DLGAP1: variants seen among roughly 807,000 people sequenced by gnomAD.
DLGAP1 encodes the protein DLG associated protein 1, also known as disks large-associated protein 1.
DLGAP1 carries 11 observed loss-of-function variants against 90.8 expected under a neutral mutation model. That is an observed-to-expected ratio of 0.12 (90% confidence interval 0.08 to 0.20). The LOEUF (loss-of-function observed/expected upper bound fraction) is 0.20, where lower values mean the gene tolerates loss of function less well. DLGAP1 is among the 10% of genes least tolerant of loss of function. DLGAP1 has a pLI of 1.00. For missense variants in DLGAP1, 1,050 were observed against 1,333.8 expected, an observed-to-expected ratio of 0.79 and a Z score of 3.31; for synonymous variants, 558 against 540.7, an observed-to-expected ratio of 1.03 and a Z score of -0.44.
At chr18:3,523,313 T>C (rs1215813454) in intron 10 of DLGAP1, among the ~76,000 whole-genome samples, 2 of 149,942 alleles carry the variant, frequency 1.3e-5, no homozygotes, top group African/African-American at 4.9e-5. Flanking sequence ...GGAGGCAGAG[T>C]TTGCAGTGAG....
chr18:3,626,081 A>G (rs2058282121), intron 7 of DLGAP1, among the ~76,000 whole-genome samples: 1 of 152,164 alleles, frequency 6.6e-6, no homozygotes, highest in African/African-American at 2.4e-5. Context: ...GGATCATTTC[A>G]GCCCAGGAAT....
chr18:4,196,785 AGT>A, intron 1 of DLGAP1, among the ~76,000 whole-genome samples: 1 of 152,346 alleles, frequency 6.6e-6, no homozygotes, highest in Middle Eastern at 3.4e-3. Context: ...TTAATTACAG[AGT>A]GTTGTATATG....
intron 4 of DLGAP1, chr18:3,845,302 T>A: frequency 2.5e-6 from 4 of 1,611,956 alleles, no homozygotes; most frequent in Non-Finnish European, 3.4e-6. Flanking sequence ...CAGCTTTGAT[T>A]TGGTATAGTG....
At chr18:4,289,519 T>A (rs902803944) in intron 1 of DLGAP1, among the ~76,000 whole-genome samples, 1 of 152,190 alleles carries the variant, frequency 6.6e-6, no homozygotes, top group Non-Finnish European at 1.5e-5. Flanking sequence ...AACATCCATG[T>A]GAATACCCAA....
At chr18:4,181,006 T>C (rs1460072559) in intron 1 of DLGAP1, among the ~76,000 whole-genome samples, 1 of 152,120 alleles carries the variant, frequency 6.6e-6, no homozygotes, top group Non-Finnish European at 1.5e-5. Context: ...ACTGATGGGT[T>C]TGAGCAAAAA....
At chr18:3,782,376 A>G (rs2065241054) in intron 5 of DLGAP1, among the ~76,000 whole-genome samples, 1 of 152,188 alleles carries the variant, frequency 6.6e-6, no homozygotes, top group African/African-American at 2.4e-5. Flanking sequence ...ACCTCAAGTG[A>G]TCCGCCTGTC....
chr18:4,036,478 A>G (rs755628251), intron 2 of DLGAP1, among the ~76,000 whole-genome samples: 1 of 152,220 alleles, frequency 6.6e-6, no homozygotes, highest in Admixed American at 6.5e-5. Context: ...ATTTAACTTA[A>G]GTAGAATTTT....
At chr18:3,748,406 A>G (rs2036001383) in intron 5 of DLGAP1, among the ~76,000 whole-genome samples, 1 of 152,248 alleles carries the variant, frequency 6.6e-6, no homozygotes, top group African/African-American at 2.4e-5. Flanking sequence ...ATAACTTCAG[A>G]TGGCTGGGAT....
intron 7 of DLGAP1, among the ~76,000 whole-genome samples, chr18:3,683,701 GA>G (rs1196192091): frequency 6.6e-6 from 1 of 152,178 alleles, no homozygotes; most frequent in Non-Finnish European, 1.5e-5. Flanking sequence ...AATAATTAAA[GA>G]GTATTAAATC....
chr18:3,639,735 C>G (rs985447099), intron 7 of DLGAP1, among the ~76,000 whole-genome samples: 1 of 150,636 alleles, frequency 6.6e-6, no homozygotes, highest in Non-Finnish European at 1.5e-5. Flanking sequence ...TAATTGTTCT[C>G]CTGCTACCTG....
intron 1 of DLGAP1, among the ~76,000 whole-genome samples, chr18:4,403,642 CTT>C (rs2082602832): frequency 6.6e-6 from 1 of 152,056 alleles, no homozygotes; most frequent in Non-Finnish European, 1.5e-5. Flanking sequence ...AAATCAAAGT[CTT>C]GTTACATTTT....
In DLGAP1 at chr18:4,356,961, C is replaced by T. The variant is rs182095144; in HGVS notation, c.-267+98045G>A. ...ATGGGTAGCCACAAGGATAACACTC[C>T]CCCTTCACCATTCAGGTGCCCACAT... On this transcript the variant is annotated intron_variant, in intron 1 of 12. Transcript: ENST00000315677. Among the ~76,000 whole-genome samples the T allele has an allele frequency of 2.0e-3, 299 of 152,086 alleles. 2 individuals carry two copies. Among genetic ancestry groups the T allele is most frequent in the Admixed American group, 4.5e-3 (68 of 15,278 alleles).
chr18:3,976,708 G>C (rs2149018305), intron 3 of DLGAP1, among the ~76,000 whole-genome samples: 1 of 152,258 alleles, frequency 6.6e-6, no homozygotes, highest in East Asian at 1.9e-4. Context: ...TTTCTTAGGA[G>C]AATGTCCTGT....
intron 1 of DLGAP1, among the ~76,000 whole-genome samples, chr18:4,183,076 C>T (rs2077234710): frequency 6.6e-6 from 1 of 151,996 alleles, no homozygotes; most frequent in African/African-American, 2.4e-5. Flanking sequence ...CCAAAACAGA[C>T]CATCAGAAAC....
intron 2 of DLGAP1, among the ~76,000 whole-genome samples, chr18:4,116,107 T>G (rs1291061071): frequency 6.6e-6 from 1 of 152,220 alleles, no homozygotes; most frequent in African/African-American, 2.4e-5. Flanking sequence ...TATCTCAGAA[T>G]GTTTTTATTT....
chr18:4,217,839 GAA>G (rs1036726556), intron 1 of DLGAP1, among the ~76,000 whole-genome samples: 2 of 151,994 alleles, frequency 1.3e-5, no homozygotes, highest in African/African-American at 4.8e-5. Flanking sequence ...GTGTCTTTTG[GAA>G]AACAGTATGG....
chr18:3,906,547 AGT>A (rs1190490679), intron 3 of DLGAP1, among the ~76,000 whole-genome samples: 1 of 152,198 alleles, frequency 6.6e-6, no homozygotes, highest in Non-Finnish European at 1.5e-5. Context: ...TATTTATGTT[AGT>A]GTAATTTGAA....
At chr18:3,949,057 T>C (rs1266049861) in intron 3 of DLGAP1, among the ~76,000 whole-genome samples, 2 of 152,182 alleles carry the variant, frequency 1.3e-5, no homozygotes, top group East Asian at 3.8e-4. Context: ...TCAGGAAGAA[T>C]ATTGTTATGA....
At chr18:3,663,139 T>A (rs751052976) in intron 7 of DLGAP1, among the ~76,000 whole-genome samples, 1 of 151,954 alleles carries the variant, frequency 6.6e-6, no homozygotes. Context: ...GGTGTGGTGG[T>A]GCATGCCTGT....
Sources: allele counts gnomAD v4.1 joint callset (sites outside exome capture counted in the v4.1 genomes callset), GRCh38; gene constraint gnomAD v4.1.1; transcripts MANE v1.5; gene names NCBI Gene and HGNC (gene_info 2026-07-23, HGNC 2026-07-21).